CUL1: variants seen among roughly 807,000 people sequenced by gnomAD.
The protein encoded by CUL1 is cullin-1.
CUL1 carries 24 observed loss-of-function variants against 118.0 expected under a neutral mutation model. That is an observed-to-expected ratio of 0.20 (90% CI 0.15 to 0.29). The LOEUF (loss-of-function observed/expected upper bound fraction) is 0.29. Among genes scored for constraint, CUL1 ranks in the 10% least tolerant of loss-of-function variants. The pLI, the probability that CUL1 is intolerant of heterozygous loss-of-function variation, is 1.00. For missense variants in CUL1, 361 were observed against 933.8 expected (o/e 0.39, Z 7.99); for synonymous variants, 332 against 340.4 (o/e 0.98, Z 0.27).
chr7:148,718,828 G>C (rs1798304043), intron 1 of CUL1, among the ~76,000 whole-genome samples: 1 of 152,120 alleles, frequency 6.6e-6, no homozygotes, highest in South Asian at 2.1e-4. Context: ...TATTAGCTTT[G>C]GGTAACAACA....
chr7:148,725,219 G>GCGCACGCGCACACACACACACA, intron 1 of CUL1, among the ~76,000 whole-genome samples: 19 of 140,058 alleles, frequency 1.4e-4, no homozygotes, highest in African/African-American at 5.4e-4. Flanking sequence ...ACACGCGCGC[G>GCGCACGCGCACACACACACACA]CTCACACACA....
intron 1 of CUL1, among the ~76,000 whole-genome samples, chr7:148,703,766 C>T (rs1368233195): frequency 1.3e-5 from 2 of 152,026 alleles, no homozygotes; most frequent in Non-Finnish European, 2.9e-5. Context: ...CTCCTGACCT[C>T]GTGATTCACC....
intron 12 of CUL1, 25 bp downstream of exon 12, chr7:148,786,624 T>C (rs1563169043): frequency 6.3e-7 from 1 of 1,597,936 alleles, no homozygotes; most frequent in South Asian, 1.1e-5. Context: ...AGCATACCCA[T>C]TTCCAGTAGC....
At chr7:148,793,895 C>T (rs951527665) in intron 17 of CUL1, among the ~76,000 whole-genome samples, 2 of 152,156 alleles carry the variant, frequency 1.3e-5, no homozygotes. Context: ...TCTCCATATC[C>T]TCACCAACAT....
intron 2 of CUL1, among the ~76,000 whole-genome samples, chr7:148,742,598 G>T (rs1348418256): frequency 2.8e-4 from 31 of 112,162 alleles, no homozygotes; most frequent in Middle Eastern, 5.4e-3. Flanking sequence ...ACCTTTTCTG[G>T]TTTTTTTTTT....
chr7:148,722,828 C>T (rs1798438198), intron 1 of CUL1, among the ~76,000 whole-genome samples: 1 of 152,224 alleles, frequency 6.6e-6, no homozygotes, highest in Non-Finnish European at 1.5e-5. Context: ...TGTGGCACTC[C>T]CACAGTGCCC....
At chr7:148,771,471 C>T (rs1426707450) in intron 9 of CUL1, among the ~76,000 whole-genome samples, 1 of 152,170 alleles carries the variant, frequency 6.6e-6, no homozygotes, top group African/African-American at 2.4e-5. Flanking sequence ...CCTCTCGCCA[C>T]CTAAAAGCTG....
At chr7:148,719,627 T>G (rs781523738) in intron 1 of CUL1, among the ~76,000 whole-genome samples, 1 of 152,232 alleles carries the variant, frequency 6.6e-6, no homozygotes, top group Non-Finnish European at 1.5e-5. Context: ...AAGAATTTTC[T>G]TGATTAAAAA....
chr7:148,706,975 A>G (rs930305033), intron 1 of CUL1, among the ~76,000 whole-genome samples: 2 of 152,140 alleles, frequency 1.3e-5, no homozygotes, highest in Non-Finnish European at 2.9e-5. Flanking sequence ...GGCCTTTAAA[A>G]TCTTAATTTG....
At chr7:148,791,838 T>C (rs62505367) in intron 16 of CUL1, among the ~76,000 whole-genome samples, 44,197 of 152,224 alleles carry the variant, frequency 0.29, 7,957 homozygotes, top group East Asian at 0.41. Context: ...CCTCGGGGTG[T>C]TCATTCGCTT....
intron 9 of CUL1, among the ~76,000 whole-genome samples, chr7:148,768,516 C>T (rs1229563145): frequency 3.3e-5 from 5 of 150,916 alleles, no homozygotes; most frequent in Non-Finnish European, 5.9e-5. Flanking sequence ...TCCCAAGTAG[C>T]TGGGATTACA....
intron 2 of CUL1, among the ~76,000 whole-genome samples, chr7:148,735,952 C>T (rs1798924242): frequency 1.3e-5 from 2 of 149,950 alleles, no homozygotes; most frequent in South Asian, 4.2e-4. Flanking sequence ...GCAGGTGGAT[C>T]ACTTGAGCTC....
chr7:148,797,074 C>T (rs1007818048), intron 17 of CUL1, among the ~76,000 whole-genome samples: 2 of 151,978 alleles, frequency 1.3e-5, no homozygotes, highest in Non-Finnish European at 2.9e-5. Context: ...GGCTGGGAAG[C>T]GTTTACCACA....
intron 9 of CUL1, among the ~76,000 whole-genome samples, chr7:148,772,524 A>T (rs1168996549): frequency 6.6e-6 from 1 of 152,252 alleles, no homozygotes; most frequent in East Asian, 1.9e-4. Flanking sequence ...CAGTGTTTCA[A>T]ATCAAAGGGC....
chr7:148,792,791 G>C lies in CUL1; in HGVS notation c.1872G>C (p.Gln624His). Residue 624 changes from glutamine to histidine, a missense_variant, in exon 17 of 22, where the codon CAG becomes CAC. Physicochemically the swap from Gln to His is conservative, Grantham distance 24. This residue lies in a region of CUL1 where 84 missense variants were observed against 203.3 expected (regional missense o/e 0.41). Coordinates refer to ENST00000325222, the MANE Select transcript of CUL1 (RefSeq NM_003592.3). ...YNTEDAYTVQ[Q>H]LTDSTQIKMD... ...CGGAAGATGCCTACACTGTGCAGCA[G>C]CTGACCGACAGCACTCAAATTAAAA... 6.2e-7 allele frequency: 1 copy of C among 1,612,944 alleles called. No individual in the cohort carries two copies. The highest frequency in any genetic ancestry group is 1.1e-5 in the South Asian group (1 of 90,632).
At chr7:148,748,879 G>A (rs767151329) in intron 2 of CUL1, among the ~76,000 whole-genome samples, 16 of 152,058 alleles carry the variant, frequency 1.1e-4, no homozygotes, top group Non-Finnish European at 2.4e-4. Context: ...AATCTAAACT[G>A]TTTAACTCTT....
Position 148,798,746 on chromosome 7 carries a change from G to A in CUL1, c.2136+69G>A, listed in dbSNP as rs1329551242. The A allele has an allele frequency of 2.8e-5, 36 of 1,279,470 alleles. 1 individual carries two copies. Among genetic ancestry groups the A allele is most frequent in the South Asian group, 5.9e-5 (5 of 84,240 alleles). 79.3% of individuals were successfully genotyped at this position (1,279,470 alleles called of 1,614,324 possible). ...CAGGGATGGCTCGCAAGGACGGGCC[G>A]TGGGGGGTAGGCGGGGGTGACAAAG... is the stretch of plus-strand genomic sequence containing the variant. On this transcript the variant is annotated intron_variant, in intron 20 of 21. Transcript: ENST00000325222.
intron 1 of CUL1, among the ~76,000 whole-genome samples, chr7:148,728,166 C>T (rs1040433857): frequency 8.5e-5 from 13 of 152,176 alleles, no homozygotes; most frequent in African/African-American, 3.1e-4. Flanking sequence ...TGGCATCAGA[C>T]TCATTCCCAG....
At chr7:148,723,170 C>T (rs1037418971) in intron 1 of CUL1, among the ~76,000 whole-genome samples, 1 of 152,372 alleles carries the variant, frequency 6.6e-6, no homozygotes, top group East Asian at 1.9e-4. Context: ...TGGGTTCCTT[C>T]TCTTTGTGTC....
Sources: gnomAD v4.1 joint callset for allele counts (sites outside exome capture counted in the v4.1 genomes callset) on GRCh38, gnomAD v4.1.1 for gene constraint, gnomAD v4.1.1 regional missense constraint, MANE v1.5 for transcripts, NCBI Gene and HGNC (gene_info 2026-07-23, HGNC 2026-07-21) for gene names.